PDK1: variants seen among roughly 807,000 people sequenced by gnomAD.
PDK1 encodes pyruvate dehydrogenase kinase 1.
PDK1 carries 39 observed loss-of-function variants against 54.2 expected under a neutral mutation model. The observed-to-expected ratio is 0.72, with a 90% confidence interval of 0.56 to 0.94. The LOEUF (loss-of-function observed/expected upper bound fraction) is 0.94, where lower values mean the gene tolerates loss of function less well. PDK1 is among the 40% of genes least tolerant of loss of function. The pLI is 0.00. For missense variants in PDK1, 552 were observed against 566.0 expected, an observed-to-expected ratio of 0.98 and a Z score of 0.25; for synonymous variants, 221 against 207.1, an observed-to-expected ratio of 1.07 and a Z score of -0.58.
At chr2:172,717,170 C>T in the PDK1 span, among the ~76,000 whole-genome samples, 228 of 152,306 alleles carry the variant, frequency 1.5e-3, no homozygotes, top group African/African-American at 5.1e-3. Flanking sequence ...GAACTGCTTA[C>T]GGCTTTTCTC....
chr2:172,632,238 C>G, the PDK1 span, among the ~76,000 whole-genome samples: 5 of 151,536 alleles, frequency 3.3e-5, no homozygotes, highest in African/African-American at 7.3e-5. Flanking sequence ...TTGCACTCCA[C>G]TCCAGCCTGG....
rs561135196 is a variant in PDK1 at position 172,601,842 on chromosome 2, G to T, written c.*5873G>T. ...AAAAGGCCCAAATAAACAGTATTTA[G>T]ATTTTTTTTTAAAGGACATAACTAC... On this transcript the variant is annotated 3_prime_UTR_variant, in exon 11 of 11. Transcript: ENST00000282077. 1 of 152,030 alleles carries T rather than the reference G, an allele frequency of 6.6e-6. No individual in the cohort carries two copies. The highest frequency in any genetic ancestry group is 1.5e-5 in the Non-Finnish European group (1 of 67,994). 9.4% of individuals were successfully genotyped at this position (152,030 alleles called of 1,614,324 possible). A position where few individuals can be genotyped will look rare whatever the true frequency, so the allele number is the denominator to read the frequency against.
intron 8 of PDK1, among the ~76,000 whole-genome samples, chr2:172,581,018 G>C (rs1689873486): frequency 6.6e-6 from 1 of 152,158 alleles, no homozygotes; most frequent in Admixed American, 6.5e-5. Context: ...CAGTGGTAAT[G>C]GTTGCACATA....
At chr2:172,655,745 C>T in the PDK1 span, among the ~76,000 whole-genome samples, 1 of 152,208 alleles carries the variant, frequency 6.6e-6, no homozygotes, top group African/African-American at 2.4e-5. Flanking sequence ...ACAGTGTGCC[C>T]TTTTAGCCTT....
rs546008483 is a variant in PDK1, at chr2:172,602,238, G to A, written c.*6269G>A. The A allele has an allele frequency of 2.0e-5, 3 of 152,298 alleles. No individual in the cohort carries two copies. The highest frequency in any genetic ancestry group is 6.5e-5 in the Admixed American group (1 of 15,300). The allele number at this position is 152,298 out of a possible 1,614,324, so 9.4% of individuals were successfully genotyped here. Reference sequence around the variant, plus strand: ...TATGAACATAGATGGAAAAATTGCTGATGAAATATTGGCACATTGAATGTA... The same window carrying A: ...TATGAACATAGATGGAAAAATTGCTAATGAAATATTGGCACATTGAATGTA... On this transcript the variant is annotated 3_prime_UTR_variant, in exon 11 of 11. Coordinates refer to ENST00000282077, the MANE Select transcript of PDK1 (RefSeq NM_002610.5).
At chr2:172,707,114 A>G in the PDK1 span, among the ~76,000 whole-genome samples, 1 of 152,152 alleles carries the variant, frequency 6.6e-6, no homozygotes, top group African/African-American at 2.4e-5. Context: ...ATACCCCACC[A>G]GCAGGGAAGG....
chr2:172,624,341 G>A, the PDK1 span, among the ~76,000 whole-genome samples: 6 of 152,198 alleles, frequency 3.9e-5, no homozygotes, highest in African/African-American at 1.2e-4. Flanking sequence ...GAGATGAGCA[G>A]CAGGCAAGTG....
chr2:172,695,442 A>C, the PDK1 span, among the ~76,000 whole-genome samples: 1 of 152,186 alleles, frequency 6.6e-6, no homozygotes, highest in Admixed American at 6.5e-5. Flanking sequence ...CCCACTTAGC[A>C]GAAGGGGAAA....
the PDK1 span, among the ~76,000 whole-genome samples, chr2:172,722,469 AG>A: frequency 6.6e-6 from 1 of 152,258 alleles, no homozygotes; most frequent in Admixed American, 6.5e-5. Context: ...ATTCATGTGT[AG>A]ATGAAGTCGA....
the PDK1 span, among the ~76,000 whole-genome samples, chr2:172,664,992 G>T: frequency 6.6e-6 from 1 of 152,180 alleles, no homozygotes; most frequent in African/African-American, 2.4e-5. Flanking sequence ...ATCATCTTAT[G>T]TTGGTATTGC....
rs1006011810 is a variant in PDK1, at chr2:172,596,154, T to C, written c.*185T>C. On this transcript the variant is annotated 3_prime_UTR_variant, in exon 11 of 11. Coordinates refer to ENST00000282077, the MANE Select transcript of PDK1 (RefSeq NM_002610.5). ...CTCCTAAAGGATGAAATTGCACCTA[T>C]TTTACACTTATATTTTCACAGTTAA... 1.1e-5 allele frequency: 5 copies of C among 474,074 alleles called. No individual in the cohort carries two copies. The highest frequency in any genetic ancestry group is 1.9e-5 in the Non-Finnish European group (5 of 267,190). 29.4% of individuals were successfully genotyped at this position (474,074 alleles called of 1,614,324 possible). A position where few individuals can be genotyped will look rare whatever the true frequency, so the allele number is the denominator to read the frequency against.
chr2:172,716,059 A>G, the PDK1 span, among the ~76,000 whole-genome samples: 1 of 152,232 alleles, frequency 6.6e-6, no homozygotes, highest in Non-Finnish European at 1.5e-5. Flanking sequence ...ACAGATTTAT[A>G]AAGGATTTAT....
chr2:172,567,031 A>C, intron 6 of PDK1, 98 bp downstream of exon 6: 2 of 771,338 alleles, frequency 2.6e-6, no homozygotes, highest in Non-Finnish European at 2.2e-6. Flanking sequence ...CTTTTTATCA[A>C]CTTCGTTGGA....
chr2:172,583,746 A>AAT (rs1009379560), intron 8 of PDK1, among the ~76,000 whole-genome samples: 5 of 152,038 alleles, frequency 3.3e-5, no homozygotes, highest in Non-Finnish European at 5.9e-5. Flanking sequence ...TTATAAAGGT[A>AAT]ATATATATAT....
chr2:172,680,206 G>C, the PDK1 span, among the ~76,000 whole-genome samples: 1 of 152,030 alleles, frequency 6.6e-6, no homozygotes. Context: ...TTACTTGCCA[G>C]AATTTTTCCT....
the PDK1 span, among the ~76,000 whole-genome samples, chr2:172,666,590 G>C: frequency 1.3e-5 from 2 of 152,156 alleles, no homozygotes; most frequent in Non-Finnish European, 2.9e-5. Flanking sequence ...AAAAGAGCAG[G>C]GGTACGAGCT....
At position 172,601,243 on chromosome 2, in the gene PDK1, A is replaced by G. The variant is rs1247377942; in HGVS notation, c.*5274A>G. On this transcript the variant is annotated 3_prime_UTR_variant, in exon 11 of 11. Coordinates refer to ENST00000282077, the MANE Select transcript of PDK1 (RefSeq NM_002610.5). ...TAACCAGTGCAAAACTAGCAAAAGG[A>G]TGAAATACACAAGAAAATGAGAGAA... 3.3e-5 allele frequency: 5 copies of G among 152,208 alleles called. No individual in the cohort carries two copies. Among genetic ancestry groups the G allele is most frequent in the African/African-American group, 1.2e-4 (5 of 41,458 alleles). The allele number at this position is 152,208 out of a possible 1,614,324, so 9.4% of individuals were successfully genotyped here.
chr2:172,667,832 T>C, the PDK1 span, among the ~76,000 whole-genome samples: 3 of 152,338 alleles, frequency 2.0e-5, no homozygotes, highest in Admixed American at 1.3e-4. Context: ...ATGAATGCTA[T>C]AGAGTCTTTC....
At chr2:172,701,414 AT>A in the PDK1 span, among the ~76,000 whole-genome samples, 16 of 152,322 alleles carry the variant, frequency 1.1e-4, no homozygotes, top group South Asian at 2.9e-3. Flanking sequence ...TCGCCTGAGT[AT>A]TTGGGTTTTA....
Sources: allele counts gnomAD v4.1 joint callset (sites outside exome capture counted in the v4.1 genomes callset), GRCh38; gene constraint gnomAD v4.1.1; transcripts MANE v1.5; gene names NCBI Gene and HGNC (gene_info 2026-07-23, HGNC 2026-07-21).